STIL: variants seen among roughly 807,000 people sequenced by gnomAD.
STIL encodes STIL centriolar assembly protein.
In STIL, 55 loss-of-function variants were observed where a neutral mutation model predicts 110.1. The ratio of observed to expected loss-of-function variants is 0.50; its 90% CI spans 0.40 to 0.63. The LOEUF (loss-of-function observed/expected upper bound fraction) is 0.63. Ranked by LOEUF, STIL falls within the 20% of genes least tolerant of loss-of-function variation. The pLI is 0.00. For synonymous variants in STIL, 481 were observed against 530.0 expected, an observed-to-expected ratio of 0.91 and a Z score of 1.27; for missense variants, 1,358 against 1,530.0, an observed-to-expected ratio of 0.89 and a Z score of 1.87.
rs549227243 is a variant in STIL, at chr1:47,258,992, C to CTTTTTTTTTTTTTTTTTTTT, written c.3080+1296_3080+1297insAAAAAAAAAAAAAAAAAAAA. 4.4e-4 allele frequency among the ~76,000 whole-genome samples: 42 copies of CTTTTTTTTTTTTTTTTTTTT among 94,420 alleles called. 10 individuals carry two copies. Among genetic ancestry groups the CTTTTTTTTTTTTTTTTTTTT allele is most frequent in the Middle Eastern group, 0.02 (2 of 98 alleles). 61.9% of individuals were successfully genotyped at this position (94,420 alleles called of 152,430 possible). A position where few individuals can be genotyped will look rare whatever the true frequency, so the allele number is the denominator to read the frequency against. ...GAAATGGTTAAGAGAAGTAACTTTG[C>CTTTTTTTTTTTTTTTTTTTT]TTTTTTTTTTTTTTGAGACAGTCTT... is the stretch of plus-strand genomic sequence containing the variant. On this transcript the variant is annotated intron_variant, in intron 16 of 16. Transcript: ENST00000371877.
Position 47,300,081 on chromosome 1 carries a change from G to A in STIL, c.525C>T (p.Ile175=). The change falls in exon 6 of 17, where the codon ATC becomes ATT. Residue 175 remains isoleucine, a synonymous_variant. Coordinates refer to ENST00000371877, the MANE Select transcript of STIL (RefSeq NM_001048166.1). Reference sequence around the variant, plus strand: ...CACTGTCCAAACTCTCCCTGGAAGTGATATGAACTCTTAGGGAAAGCAGCT... The same window carrying A: ...CACTGTCCAAACTCTCCCTGGAAGTAATATGAACTCTTAGGGAAAGCAGCT... ...CGKLLSLRVH[I]TSRESLDSVE... The A allele has an allele frequency of 6.2e-7, 1 of 1,614,124 alleles. No homozygotes were observed. Among genetic ancestry groups the A allele is most frequent in the Non-Finnish European group, 8.5e-7 (1 of 1,180,006 alleles).
rs1404831420 is a variant in STIL at position 47,251,499 on chromosome 1, C to T, written c.3504G>A (p.Gln1168=). The T allele has an allele frequency of 6.2e-7, 1 of 1,614,126 alleles. No homozygotes were observed. Among genetic ancestry groups the T allele is most frequent in the East Asian group, 2.2e-5 (1 of 44,904 alleles). The stretch of plus-strand genomic sequence containing the variant: ...CATGGTCATTCTTAGAAGGCTCTTT[C>T]TGACCACCAAGCTGTTCAGGTATGG... The part of the protein sequence containing the change: ...LRSIPEQLGG[Q]KEPSKNDHEI... The change falls in exon 17 of 17, where the codon CAG becomes CAA. Residue 1168 remains glutamine, a synonymous_variant. Transcript: ENST00000371877.
chr1:47,265,246 A>AAAAAAAC (rs1557713964), intron 14 of STIL, among the ~76,000 whole-genome samples: 1 of 150,354 alleles, frequency 6.7e-6, no homozygotes, highest in East Asian at 1.9e-4. Context: ...CCAAAAAAAA[A>AAAAAAAC]AAAAAAAAAA....
intron 13 of STIL, among the ~76,000 whole-genome samples, chr1:47,270,251 T>TAC (rs1223004051): frequency 0.065 from 7,704 of 118,910 alleles, 297 homozygotes; most frequent in Middle Eastern, 0.16. Context: ...AATATATATA[T>TAC]ATATACACAC....
Position 47,269,711 on chromosome 1 carries a change from C to G in STIL, c.2539G>C (p.Ala847Pro). 6.2e-7 allele frequency: 1 copy of G among 1,614,142 alleles called. No homozygotes were observed. The highest frequency in any genetic ancestry group is 8.5e-7 in the Non-Finnish European group (1 of 1,180,014). ...TCTTCAAAACTGGGAATATCAACTGCTTTTAATGAAGATGCACTACCTGGA... is the reference window on the plus strand; with the variant it reads ...TCTTCAAAACTGGGAATATCAACTGGTTTTAATGAAGATGCACTACCTGGA... Reference protein sequence around the residue: ...SLPGSASSLKAVDIPSFEESN... With the variant: ...SLPGSASSLKPVDIPSFEESN... Residue 847 changes from alanine (A) to proline (P), a missense_variant, in exon 14 of 17, where the codon GCA (alanine) becomes CCA (proline). Coordinates refer to ENST00000371877, the MANE Select transcript of STIL (RefSeq NM_001048166.1).
At chr1:47,260,205 T>C in intron 16 of STIL, 84 bp downstream of exon 16, 1 of 1,344,376 alleles carries the variant, frequency 7.4e-7, no homozygotes, top group Non-Finnish European at 1.0e-6. Flanking sequence ...AATTTATTCA[T>C]CTAGCCAATG....
At chr1:47,256,491 C>T (rs1300664376) in intron 16 of STIL, among the ~76,000 whole-genome samples, 5 of 151,796 alleles carry the variant, frequency 3.3e-5, no homozygotes, top group South Asian at 2.1e-4. Flanking sequence ...CGTGGTGGTG[C>T]GCACCTGTAG....
chr1:47,274,862 G>A (rs563936038), intron 12 of STIL, among the ~76,000 whole-genome samples: 20 of 152,100 alleles, frequency 1.3e-4, no homozygotes, highest in African/African-American at 4.3e-4. Context: ...AATAAAAAAT[G>A]CATCTCTTGC....
chr1:47,278,379 A>G (rs1281142331), intron 12 of STIL, among the ~76,000 whole-genome samples: 1 of 152,150 alleles, frequency 6.6e-6, no homozygotes, highest in African/African-American at 2.4e-5. Flanking sequence ...TATATATATA[A>G]GGAAAATACT....
intron 12 of STIL, among the ~76,000 whole-genome samples, chr1:47,279,727 C>CA (rs11371469): frequency 0.43 from 35,612 of 82,430 alleles, 6,654 homozygotes; most frequent in African/African-American, 0.47. Flanking sequence ...GACTCCGTCT[C>CA]AAAAAAAAAA....
Position 47,279,727 on chromosome 1 carries a change from C to CAAA in STIL, c.2217+511_2217+513dup, listed in dbSNP as rs11371469. 5.3e-3 allele frequency among the ~76,000 whole-genome samples: 438 copies of CAAA among 82,726 alleles called. 15 individuals carry two copies. The highest frequency in any genetic ancestry group is 0.017 in the African/African-American group (409 of 24,148). 54.3% of individuals were successfully genotyped at this position (82,726 alleles called of 152,430 possible). A position where few individuals can be genotyped will look rare whatever the true frequency, so the allele number is the denominator to read the frequency against. ...CTGCGCAACAGAAGAGACTCCGTCT[C>CAAA]AAAAAAAAAAAAAAAAAACAACAAA... On this transcript the variant is annotated intron_variant, in intron 12 of 16. Coordinates refer to ENST00000371877, the MANE Select transcript of STIL (RefSeq NM_001048166.1).
chr1:47,272,284 TCAA>T, intron 12 of STIL, 43 bp from the exon 13 acceptor site: 1 of 1,606,474 alleles, frequency 6.2e-7, no homozygotes, highest in Non-Finnish European at 8.5e-7. Flanking sequence ...AGGGAAGTAA[TCAA>T]CAAAACTGGC....
intron 10 of STIL, among the ~76,000 whole-genome samples, chr1:47,286,004 A>G (rs1645287230): frequency 6.6e-6 from 1 of 151,764 alleles, no homozygotes; most frequent in African/African-American, 2.4e-5. Context: ...CGTACCGAGT[A>G]GCTGGGATTA....
At chr1:47,306,280 T>C (rs1645959522) in intron 2 of STIL, among the ~76,000 whole-genome samples, 1 of 150,698 alleles carries the variant, frequency 6.6e-6, no homozygotes, top group Admixed American at 6.6e-5. Flanking sequence ...TTTTTTTTTT[T>C]TTAAAGAGCA....
rs1393203524 is a variant in STIL at position 47,270,247 on chromosome 1, T to C, written c.2384-381A>G. ...TGGCTCAAAAAAAAAAAAAAATATA[T>C]ATATATATACACACACACACACACA... On this transcript the variant is annotated intron_variant, in intron 13 of 16. Transcript: ENST00000371877. Among the ~76,000 whole-genome samples the C allele has an allele frequency of 3.0e-3, 297 of 97,786 alleles. 3 individuals are homozygous for C. Among genetic ancestry groups the C allele is most frequent in the African/African-American group, 9.3e-3 (211 of 22,586 alleles). The allele number at this position is 97,786 out of a possible 152,430, so 64.2% of individuals were successfully genotyped here. A position where few individuals can be genotyped will look rare whatever the true frequency, so the allele number is the denominator to read the frequency against.
At chr1:47,309,877 T>C (rs972940079) in intron 2 of STIL, among the ~76,000 whole-genome samples, 8 of 152,192 alleles carry the variant, frequency 5.3e-5, no homozygotes, top group Admixed American at 2.6e-4. Flanking sequence ...TTCCCACTTG[T>C]CTAGAAAGTA....
At position 47,280,581 on chromosome 1, in the gene STIL, A is replaced by C; in HGVS notation, c.1877T>G (p.Val626Gly). 6.2e-7 allele frequency: 1 copy of C among 1,614,266 alleles called. No homozygotes were observed. Among genetic ancestry groups the C allele is most frequent in the South Asian group, 1.1e-5 (1 of 91,088 alleles). The stretch of plus-strand genomic sequence containing the variant: ...AGACTGGACATCTTGAATGGATCCA[A>C]CTGTGTTTGCTCCTTGCCAAGAATT... ...PLNSWQGANT[V>G]GSIQDVQSEA... The change falls in exon 12 of 17, where the codon GTT (valine) becomes GGT (glycine). Residue 626 changes from valine to glycine, a missense_variant. Transcript: ENST00000371877.
intron 2 of STIL, among the ~76,000 whole-genome samples, chr1:47,307,229 G>A (rs1645986539): frequency 1.3e-5 from 2 of 152,200 alleles, no homozygotes; most frequent in South Asian, 2.1e-4. Flanking sequence ...GCTGAGGCAT[G>A]AGAATTGCTT....
At chr1:47,268,304 G>A (rs1644713873) in intron 14 of STIL, among the ~76,000 whole-genome samples, 1 of 151,868 alleles carries the variant, frequency 6.6e-6, no homozygotes, top group African/African-American at 2.4e-5. Flanking sequence ...AAATTAGCTG[G>A]GCGTGGTGGC....
Sources: gnomAD v4.1 joint callset for allele counts (sites outside exome capture counted in the v4.1 genomes callset) on GRCh38, gnomAD v4.1.1 for gene constraint, MANE v1.5 for transcripts, NCBI Gene and HGNC (gene_info 2026-07-23, HGNC 2026-07-21) for gene names.